WWOX: variants seen among roughly 807,000 people sequenced by gnomAD.
The protein encoded by WWOX is WW domain containing oxidoreductase.
A neutral mutation model predicts 46.2 loss-of-function variants in WWOX; 69 were observed. The ratio of observed to expected loss-of-function variants is 1.49; its 90% CI spans 1.23 to 1.82. The LOEUF (loss-of-function observed/expected upper bound fraction) is 1.82, where lower values mean the gene tolerates loss of function less well. WWOX is among the 40% of genes most tolerant of loss of function. WWOX has a pLI of 0.00. For synonymous variants in WWOX, 359 were observed against 202.6 expected (o/e 1.77, Z -6.56); for missense variants, 919 against 542.6 (o/e 1.69, Z -6.89).
intron 8 of WWOX, among the ~76,000 whole-genome samples, chr16:78,901,041 C>G (rs2044819276): frequency 6.6e-6 from 1 of 152,190 alleles, no homozygotes; most frequent in Non-Finnish European, 1.5e-5. Flanking sequence ...CCACTGCTCT[C>G]TTTTCAGACC....
At chr16:78,604,744 CCCCCCTCCCT>C (rs2045705476) in intron 8 of WWOX, among the ~76,000 whole-genome samples, 1 of 2,226 alleles carries the variant, frequency 4.5e-4, no homozygotes, top group Non-Finnish European at 8.0e-4. Context: ...CTCCCTCCTT[CCCCCCTCCCT>C]CCTTCCCCCC....
rs2151386107 is a variant in WWOX, at chr16:78,432,619, A to G, written c.923A>G (p.His308Arg). 6.2e-7 allele frequency: 1 copy of G among 1,614,174 alleles called. No homozygotes were observed. Among genetic ancestry groups the G allele is most frequent in the Non-Finnish European group, 8.5e-7 (1 of 1,180,036 alleles). Residue 308 changes from histidine (H) to arginine (R), a missense_variant, in exon 8 of 9, where the codon CAC becomes CGC. By Grantham distance (29) the His-to-Arg change is conservative. Coordinates refer to ENST00000566780, the MANE Select transcript of WWOX (RefSeq NM_016373.4). ...AACATCCTCTTCTCCAACGAGCTGC[A>G]CCGTCGCCTCTCCCCACGCGGGGTC... is the stretch of plus-strand genomic sequence containing the variant. ...LCNILFSNEL[H>R]RRLSPRGVTS...
intron 8 of WWOX, among the ~76,000 whole-genome samples, chr16:78,566,573 AGGGTGTAAGTGCT>A (rs2044574005): frequency 1.3e-5 from 2 of 152,090 alleles, no homozygotes. Context: ...TGAGGCTGGG[AGGGTGTAAGTGCT>A]CAGAGGCAGC....
intron 8 of WWOX, among the ~76,000 whole-genome samples, chr16:78,442,630 G>A (rs985759696): frequency 2.0e-5 from 3 of 152,098 alleles, no homozygotes; most frequent in Non-Finnish European, 2.9e-5. Context: ...TTCTCGTAAT[G>A]ATGGCACTGT....
In WWOX at chr16:78,615,027, G is replaced by T. The variant is rs1316429788; in HGVS notation, c.1056+182275G>T. Among the ~76,000 whole-genome samples, 4 of 152,134 alleles carry T rather than the reference G, an allele frequency of 2.6e-5. No homozygotes were observed. The South Asian group carries it at 8.3e-4, about 32-fold the overall frequency. On this transcript the variant is annotated intron_variant, in intron 8 of 8. Transcript: ENST00000566780. The stretch of plus-strand genomic sequence containing the variant: ...GCTCCCTCCCTAATCTTGCTAGAAG[G>T]TAGGGCTAATGCATTGTCAATTCAG...
chr16:78,988,769 C>G (rs1327813255), intron 8 of WWOX, among the ~76,000 whole-genome samples: 3 of 152,144 alleles, frequency 2.0e-5, no homozygotes, highest in African/African-American at 7.2e-5. Context: ...AGAGAAAGAC[C>G]GGTGGCTGTA....
chr16:79,099,283 G>C (rs1200029427), intron 8 of WWOX, among the ~76,000 whole-genome samples: 1 of 152,150 alleles, frequency 6.6e-6, no homozygotes, highest in Non-Finnish European at 1.5e-5. Flanking sequence ...ATGAGATTTG[G>C]TGGGGACAGG....
At chr16:78,833,530 G>A (rs942636691) in intron 8 of WWOX, among the ~76,000 whole-genome samples, 7 of 152,154 alleles carry the variant, frequency 4.6e-5, no homozygotes, top group African/African-American at 1.7e-4. Context: ...AACGTGCAGT[G>A]AGGACACTCT....
chr16:78,186,459 G>T (rs965135770), intron 5 of WWOX, among the ~76,000 whole-genome samples: 1 of 152,054 alleles, frequency 6.6e-6, no homozygotes, highest in Admixed American at 6.6e-5. Context: ...CTTTACATTC[G>T]TCTTTTAAAA....
intron 8 of WWOX, among the ~76,000 whole-genome samples, chr16:78,655,414 G>T (rs1344122877): frequency 6.6e-6 from 1 of 152,192 alleles, no homozygotes; most frequent in Non-Finnish European, 1.5e-5. Flanking sequence ...CAAGTAATTA[G>T]ATCCATAATG....
chr16:78,544,011 A>G (rs920004016), intron 8 of WWOX, among the ~76,000 whole-genome samples: 2 of 152,230 alleles, frequency 1.3e-5, no homozygotes, highest in Non-Finnish European at 2.9e-5. Context: ...TACATCCCTC[A>G]GTTTCAAAGC....
At chr16:78,715,470 C>T (rs1365184429) in intron 8 of WWOX, among the ~76,000 whole-genome samples, 1 of 150,814 alleles carries the variant, frequency 6.6e-6, no homozygotes, top group Non-Finnish European at 1.5e-5. Flanking sequence ...CCCACCCCCA[C>T]CCCTACCCAC....
intron 8 of WWOX, among the ~76,000 whole-genome samples, chr16:79,134,300 A>G (rs2049940712): frequency 6.6e-6 from 1 of 152,172 alleles, no homozygotes; most frequent in Non-Finnish European, 1.5e-5. Context: ...GCAGTAAAGG[A>G]TTCACCAAGA....
At chr16:78,531,640 C>A (rs564604923) in intron 8 of WWOX, among the ~76,000 whole-genome samples, 3 of 151,868 alleles carry the variant, frequency 2.0e-5, no homozygotes, top group Non-Finnish European at 4.4e-5. Context: ...GTCAGGAGTT[C>A]GAGACTAGCC....
chr16:78,316,416 C>T (rs1028548434), intron 5 of WWOX, among the ~76,000 whole-genome samples: 1 of 152,130 alleles, frequency 6.6e-6, no homozygotes, highest in Non-Finnish European at 1.5e-5. Flanking sequence ...TCTTGGCTCA[C>T]TGCAACCTCC....
intron 4 of WWOX, among the ~76,000 whole-genome samples, chr16:78,116,531 C>T (rs1398415767): frequency 6.6e-6 from 1 of 152,150 alleles, no homozygotes; most frequent in Non-Finnish European, 1.5e-5. Context: ...TCTCATACCT[C>T]ATCCTGGGCT....
intron 8 of WWOX, among the ~76,000 whole-genome samples, chr16:78,500,310 G>T (rs1201714076): frequency 2.6e-5 from 4 of 152,172 alleles, no homozygotes; most frequent in Non-Finnish European, 5.9e-5. Context: ...CGCTTGCCAA[G>T]ATTAAATTGA....
intron 8 of WWOX, among the ~76,000 whole-genome samples, chr16:78,930,800 T>A (rs1448055689): frequency 6.6e-6 from 1 of 152,078 alleles, no homozygotes; most frequent in Admixed American, 6.5e-5. Flanking sequence ...ATCACACATA[T>A]TTGCTGAGTA....
At chr16:78,681,274 A>T (rs1423389517) in intron 8 of WWOX, among the ~76,000 whole-genome samples, 2 of 151,892 alleles carry the variant, frequency 1.3e-5, no homozygotes. Flanking sequence ...ACGTGGTGGC[A>T]TGTGCCTATG....
Sources: gnomAD v4.1 joint callset for allele counts (sites outside exome capture counted in the v4.1 genomes callset) on GRCh38, gnomAD v4.1.1 for gene constraint, MANE v1.5 for transcripts, NCBI Gene and HGNC (gene_info 2026-07-23, HGNC 2026-07-21) for gene names.